Variants in TAF12 observed in about 807,000 individuals in gnomAD.
The protein encoded by TAF12 is TATA-box binding protein associated factor 12, also known as transcription initiation factor TFIID subunit 12.
Under a neutral mutation model 20.8 loss-of-function variants are expected in TAF12, and 3 were observed. That is an observed-to-expected ratio of 0.14 (90% CI 0.07 to 0.37). The LOEUF (loss-of-function observed/expected upper bound fraction) is 0.37. Among genes scored for constraint, TAF12 ranks in the 10% least tolerant of loss-of-function variants. TAF12 has a pLI of 1.00. For synonymous variants in TAF12, 69 were observed against 70.2 expected (o/e 0.98, Z 0.09); for missense variants, 131 against 197.9 (o/e 0.66, Z 2.03).
intron 1 of TAF12, among the ~76,000 whole-genome samples, chr1:28,636,620 T>C (rs1351405336): frequency 1.3e-5 from 2 of 151,094 alleles, no homozygotes; most frequent in East Asian, 3.9e-4. Flanking sequence ...TGAGATCTGG[T>C]CACTACAAAT....
intron 1 of TAF12, among the ~76,000 whole-genome samples, chr1:28,628,227 G>T (rs933948290): frequency 1.7e-5 from 1 of 60,160 alleles, no homozygotes; most frequent in Non-Finnish European, 3.7e-5. Flanking sequence ...GGTGCAGGGG[G>T]TGGGGGGGGG....
upstream of TAF12, chr1:28,643,187 T>G: frequency 1.2e-6 from 1 of 867,588 alleles, no homozygotes; most frequent in Non-Finnish European, 1.4e-6. Context: ...CTCCGACACG[T>G]GGTGGCGATA....
chr1:28,630,911 T>C (rs1213508679), intron 1 of TAF12, among the ~76,000 whole-genome samples: 1 of 151,218 alleles, frequency 6.6e-6, no homozygotes, highest in Non-Finnish European at 1.5e-5. Flanking sequence ...CAGGGCATAG[T>C]GGTGGGTGCC....
intron 4 of TAF12, among the ~76,000 whole-genome samples, chr1:28,610,231 G>C (rs1666805890): frequency 6.6e-6 from 1 of 152,080 alleles, no homozygotes; most frequent in Admixed American, 6.6e-5. Flanking sequence ...GCCTCACAAA[G>C]TGCTCGGATT....
chr1:28,627,271 C>T (rs561424222), intron 1 of TAF12, among the ~76,000 whole-genome samples: 4 of 151,538 alleles, frequency 2.6e-5, no homozygotes, highest in Non-Finnish European at 4.4e-5. Flanking sequence ...GCCTGTAATC[C>T]GAGCTACTCA....
At chr1:28,634,698 G>A (rs200783871) in intron 1 of TAF12, among the ~76,000 whole-genome samples, 3 of 152,124 alleles carry the variant, frequency 2.0e-5, no homozygotes, top group East Asian at 3.9e-4. Context: ...GGGAGGCCGA[G>A]GTGGGCAGAT....
chr1:28,606,520 C>T (rs778192480), intron 4 of TAF12, among the ~76,000 whole-genome samples: 5 of 151,896 alleles, frequency 3.3e-5, no homozygotes, highest in Admixed American at 6.6e-5. Flanking sequence ...CTCAGCCTCC[C>T]GAAGTGTTGG....
intron 1 of TAF12, among the ~76,000 whole-genome samples, chr1:28,634,885 C>T (rs1191405455): frequency 5.3e-5 from 8 of 150,926 alleles, no homozygotes; most frequent in African/African-American, 1.2e-4. Context: ...GCCGAGATCA[C>T]GCCATTGCAC....
intron 1 of TAF12, among the ~76,000 whole-genome samples, chr1:28,625,742 C>CGT (rs1483639873): frequency 6.6e-6 from 1 of 151,900 alleles, no homozygotes; most frequent in Non-Finnish European, 1.5e-5. Flanking sequence ...GGGGTTTCAC[C>CGT]GTGTTAGCCA....
chr1:28,637,088 C>T (rs544371507), intron 1 of TAF12, among the ~76,000 whole-genome samples: 1 of 152,198 alleles, frequency 6.6e-6, no homozygotes, highest in South Asian at 2.1e-4. Flanking sequence ...CAGAGATTAA[C>T]AGAAGAATGG....
chr1:28,643,291 G>A (rs1464690859), upstream of TAF12: 2 of 175,144 alleles, frequency 1.1e-5, no homozygotes, highest in African/African-American at 2.4e-5. Flanking sequence ...CCAACCCGGC[G>A]TTAAGAATCC....
At chr1:28,626,380 G>A (rs1353060458) in intron 1 of TAF12, among the ~76,000 whole-genome samples, 10 of 151,852 alleles carry the variant, frequency 6.6e-5, no homozygotes, top group Non-Finnish European at 1.3e-4. Flanking sequence ...AGGAGTTCGA[G>A]ACCAGCCTGG....
intron 1 of TAF12, among the ~76,000 whole-genome samples, chr1:28,629,054 G>A (rs1667532989): frequency 6.6e-6 from 1 of 152,212 alleles, no homozygotes; most frequent in Non-Finnish European, 1.5e-5. Flanking sequence ...TGGGGTGACA[G>A]AGCAAGACTC....
intron 1 of TAF12, chr1:28,648,118 T>C (rs1668246466): frequency 1.0e-6 from 1 of 976,472 alleles, no homozygotes; most frequent in African/African-American, 1.8e-5. Flanking sequence ...CCTGGGCTGC[T>C]CCAAGGTGGT....
chr1:28,614,577 G>A (rs781135851), intron 3 of TAF12, among the ~76,000 whole-genome samples: 1 of 152,000 alleles, frequency 6.6e-6, no homozygotes, highest in Non-Finnish European at 1.5e-5. Flanking sequence ...CAGCTACTCT[G>A]GAGGTTGAGG....
Position 28,613,353 on chromosome 1 carries a change from C to T in TAF12, c.255G>A (p.Leu85=). The T allele has an allele frequency of 6.2e-7, 1 of 1,609,278 alleles. No individual in the cohort carries two copies. Among genetic ancestry groups the T allele is most frequent in the Non-Finnish European group, 8.5e-7 (1 of 1,178,126 alleles). The change falls in exon 4 of 6, where the codon CTG becomes CTA. Residue 85 remains leucine (L), a synonymous_variant. Coordinates refer to ENST00000373824, the MANE Select transcript of TAF12 (RefSeq NM_005644.4). The part of the protein sequence containing the change: ...QLDEDVEEML[L]QIADDFIESV... ...TCTCGATAAAATCATCAGCAATCTG[C>T]AGCAGCATCTGGGGAAGGTAAAGTG...
upstream of TAF12, among the ~76,000 whole-genome samples, chr1:28,644,979 C>CTATGT (rs1668147580): frequency 6.6e-6 from 1 of 152,154 alleles, no homozygotes; most frequent in Non-Finnish European, 1.5e-5. Context: ...TCACTACAGC[C>CTATGT]TCAAACTCCT....
In TAF12 at chr1:28,624,942, C is replaced by T. The variant is rs1042002180; in HGVS notation, c.-84-2777G>A. Reference sequence around the variant, plus strand: ...CTTGTTTGTTTTAACCATATGTGGCCTCCTTCTCCCCTACCCACAAACATT... The same window carrying T: ...CTTGTTTGTTTTAACCATATGTGGCTTCCTTCTCCCCTACCCACAAACATT... On this transcript the variant is annotated intron_variant, in intron 1 of 5. Transcript: ENST00000373824. Among the ~76,000 whole-genome samples the T allele has an allele frequency of 2.6e-5, 4 of 152,048 alleles. No individual in the cohort carries two copies. The East Asian group carries it at 7.7e-4, about 29-fold the overall frequency.
intron 4 of TAF12, 135 bp from the exon 5 acceptor site, chr1:28,605,595 T>C: frequency 1.3e-6 from 1 of 785,912 alleles, no homozygotes; most frequent in Non-Finnish European, 2.0e-6. Context: ...CTATTACAAA[T>C]AGGGAAAATG....
Sources: allele counts gnomAD v4.1 joint callset (sites outside exome capture counted in the v4.1 genomes callset), GRCh38; gene constraint gnomAD v4.1.1; transcripts MANE v1.5; gene names NCBI Gene and HGNC (gene_info 2026-07-23, HGNC 2026-07-21).